The following CPA5 variants were observed in gnomAD, a reference collection of about 807,000 sequenced individuals.
CPA5 encodes the protein testicular tissue protein Li 32.
A neutral mutation model predicts 52.2 loss-of-function variants in CPA5; 38 were observed. That is an observed-to-expected ratio of 0.73 (90% CI 0.56 to 0.95). CPA5 has a LOEUF of 0.95. Among genes scored for constraint, CPA5 ranks in the 40% least tolerant of loss-of-function variants. CPA5 has a pLI of 0.00. For synonymous variants in CPA5, 198 were observed against 213.7 expected (o/e 0.93, Z 0.64); for missense variants, 519 against 566.7 (o/e 0.92, Z 0.86).
At chr7:130,351,026 A>AGCCTCCCGGAGCGCACACACTTGACACC (rs1795104646) in intron 5 of CPA5, among the ~76,000 whole-genome samples, 1 of 152,202 alleles carries the variant, frequency 6.6e-6, no homozygotes, top group Admixed American at 6.5e-5. Flanking sequence ...GGGAACACAG[A>AGCCTCCCGGAGCGCACACACTTGACACC]GCCTCCCGGA....
intron 11 of CPA5, 38 bp from the exon 12 acceptor site, chr7:130,367,868 G>T: frequency 6.3e-7 from 1 of 1,577,312 alleles, no homozygotes; most frequent in Non-Finnish European, 8.7e-7. Context: ...GAGCCCCGGG[G>T]AGCCCCTGCC....
At chr7:130,362,835 C>A in intron 8 of CPA5, 49 bp from the exon 9 acceptor site, 1 of 1,254,160 alleles carries the variant, frequency 8.0e-7, no homozygotes, top group Non-Finnish European at 1.2e-6. Context: ...TGTGCCACCT[C>A]CCAGGAGACC....
At chr7:130,364,485 G>A (rs569046975) in intron 10 of CPA5, among the ~76,000 whole-genome samples, 1 of 152,112 alleles carries the variant, frequency 6.6e-6, no homozygotes, top group Non-Finnish European at 1.5e-5. Flanking sequence ...GAGCCACTGC[G>A]CCCAGCCAAT....
At position 130,367,453 on chromosome 7, in the gene CPA5, T is replaced by C; in HGVS notation, c.920T>C (p.Val307Ala). The change falls in exon 11 of 13, where the codon GTG (valine) becomes GCG (alanine). Residue 307 changes from valine to alanine, a missense_variant. Physicochemically the swap from Val to Ala is moderately conservative, Grantham distance 64 (BLOSUM62 0). Coordinates refer to ENST00000474905, the MANE Select transcript of CPA5 (RefSeq NM_080385.5). ...PQSEPEVAAIVNFITAHGNFK... is the reference protein window; with the variant it reads ...PQSEPEVAAIANFITAHGNFK... ...TCGGAGCCGGAGGTGGCTGCCATAGTGAACTTCATCACAGCCCATGGCAAC... is the reference window on the plus strand; with the variant it reads ...TCGGAGCCGGAGGTGGCTGCCATAGCGAACTTCATCACAGCCCATGGCAAC... 1 of 1,614,104 alleles carries C rather than the reference T, an allele frequency of 6.2e-7. No homozygotes were observed. The highest frequency in any genetic ancestry group is 8.5e-7 in the Non-Finnish European group (1 of 1,180,010).
chr7:130,371,898 T>G (rs1347732836), downstream of CPA5, among the ~76,000 whole-genome samples: 1 of 152,200 alleles, frequency 6.6e-6, no homozygotes, highest in African/African-American at 2.4e-5. Context: ...TGCTGCCCAG[T>G]GGCCCTGTCT....
intron 5 of CPA5, among the ~76,000 whole-genome samples, chr7:130,354,731 T>C (rs1554404803): frequency 1.3e-5 from 2 of 151,940 alleles, no homozygotes; most frequent in South Asian, 2.1e-4. Flanking sequence ...TTTGTTTTTG[T>C]TTTTTAAGAT....
chr7:130,354,955 C>A (rs1795387995), intron 5 of CPA5, among the ~76,000 whole-genome samples: 1 of 151,950 alleles, frequency 6.6e-6, no homozygotes, highest in African/African-American at 2.4e-5. Flanking sequence ...AGTGGCAGCT[C>A]CAGAGAGGAG....
intron 9 of CPA5, 148 bp from the exon 10 acceptor site, chr7:130,363,271 T>G (rs1305171625): frequency 1.0e-5 from 7 of 668,730 alleles, no homozygotes; most frequent in African/African-American, 1.8e-5. Context: ...CCCAGCCCCA[T>G]GCCAGCCCCA....
intron 10 of CPA5, 41 bp downstream of exon 10, chr7:130,363,550 G>A (rs1554407448): frequency 6.6e-7 from 1 of 1,511,362 alleles, no homozygotes; most frequent in East Asian, 2.4e-5. Context: ...TGGAGAAGAG[G>A]TGTTGGCCCA....
At chr7:130,356,301 C>T (rs550226557) in intron 5 of CPA5, among the ~76,000 whole-genome samples, 8 of 152,172 alleles carry the variant, frequency 5.3e-5, no homozygotes, top group Non-Finnish European at 7.3e-5. Flanking sequence ...CTTGACTCAT[C>T]GTAAATTAAT....
intron 10 of CPA5, among the ~76,000 whole-genome samples, chr7:130,364,697 C>G (rs1485668973): frequency 6.6e-6 from 1 of 152,224 alleles, no homozygotes; most frequent in Non-Finnish European, 1.5e-5. Context: ...TGACCCATTA[C>G]TTTATGACCC....
chr7:130,369,120 A>G (rs1173505760), downstream of CPA5, among the ~76,000 whole-genome samples: 1 of 151,692 alleles, frequency 6.6e-6, no homozygotes, highest in Non-Finnish European at 1.5e-5. Flanking sequence ...GGAGGTTACC[A>G]CTCACCCCAC....
intron 9 of CPA5, 48 bp downstream of exon 9, chr7:130,363,042 A>G (rs1795882981): frequency 4.3e-6 from 5 of 1,169,904 alleles, no homozygotes; most frequent in Non-Finnish European, 5.1e-6. Flanking sequence ...CTCTAGGGGG[A>G]TGGAGAAAAG....
rs782266853 is a variant in CPA5 at position 130,363,529 on chromosome 7, T to C, written c.838+20T>C. The C allele has an allele frequency of 1.3e-6, 2 of 1,561,300 alleles. No homozygotes were observed. The highest frequency in any genetic ancestry group is 1.2e-5 in the South Asian group (1 of 85,072). On this transcript the variant is annotated intron_variant, in intron 10 of 12. Transcript: ENST00000474905. ...TTGGAGGTATGGCAACCTGCTGTCC[T>C]GGGGCAGGGTTGGAGAAGAGGTGTT...
chr7:130,357,623 C>CA (rs140601691), intron 5 of CPA5, among the ~76,000 whole-genome samples: 10,601 of 94,792 alleles, frequency 0.11, 723 homozygotes, highest in African/African-American at 0.26. Context: ...AATTCCATCT[C>CA]AAAAAAAAAA....
Position 130,359,582 on chromosome 7 carries a change from C to T in CPA5, c.334-7C>T. ...TTCCTTTCCAATATGTGTTCCCCAT[C>T]ACCCAGGTGCTGCTGGATGAGGAAA... is the stretch of plus-strand genomic sequence containing the variant. On this transcript the variant is annotated splice_region_variant and splice_polypyrimidine_tract_variant and intron_variant, in intron 5 of 12. Coordinates refer to ENST00000474905, the MANE Select transcript of CPA5 (RefSeq NM_080385.5). The T allele has an allele frequency of 6.4e-7, 1 of 1,555,772 alleles. No homozygotes were observed. The highest frequency in any genetic ancestry group is 8.7e-7 in the Non-Finnish European group (1 of 1,148,524).
intron 5 of CPA5, among the ~76,000 whole-genome samples, chr7:130,356,617 C>T (rs1584809283): frequency 6.6e-6 from 1 of 152,246 alleles, no homozygotes; most frequent in Non-Finnish European, 1.5e-5. Flanking sequence ...CCTCCATTCA[C>T]AAGGCTGTGA....
chr7:130,346,615 C>T lies in CPA5; in HGVS notation c.116+14C>T. 1 of 1,603,200 alleles carries T rather than the reference C, an allele frequency of 6.2e-7. No individual in the cohort carries two copies. The highest frequency in any genetic ancestry group is 1.3e-5 in the African/African-American group (1 of 74,820). ...GAATTTCACAGGGTGAGTGGCTGCT[C>T]CACAGTGGGAGGGAGGACTGGCTGG... On this transcript the variant is annotated intron_variant, in intron 3 of 12. Coordinates refer to ENST00000474905, the MANE Select transcript of CPA5 (RefSeq NM_080385.5).
chr7:130,369,624 T>C (rs185596495), downstream of CPA5, among the ~76,000 whole-genome samples: 1 of 152,152 alleles, frequency 6.6e-6, no homozygotes, highest in East Asian at 1.9e-4. Flanking sequence ...TGTGTGTGTG[T>C]TTGTGTGTGT....
Sources: allele counts gnomAD v4.1 joint callset (sites outside exome capture counted in the v4.1 genomes callset), GRCh38; gene constraint gnomAD v4.1.1; transcripts MANE v1.5; gene names NCBI Gene and HGNC (gene_info 2026-07-23, HGNC 2026-07-21).